The following ATRNL1 variants were observed in gnomAD, a reference collection of about 807,000 sequenced individuals.
ATRNL1 encodes the protein attractin-like protein 1.
Under a neutral mutation model 182.7 loss-of-function variants are expected in ATRNL1, and 95 were observed. The ratio of observed to expected loss-of-function variants is 0.52; its 90% CI spans 0.44 to 0.62. The LOEUF (loss-of-function observed/expected upper bound fraction) is 0.62, where lower values mean the gene tolerates loss of function less well. Among genes scored for constraint, ATRNL1 ranks in the 20% least tolerant of loss-of-function variants. The pLI, the probability that ATRNL1 is intolerant of heterozygous loss-of-function variation, is 0.00. For synonymous variants in ATRNL1, 576 were observed against 568.3 expected (o/e 1.01, Z -0.19); for missense variants, 1,471 against 1,679.5 (o/e 0.88, Z 2.17).
At chr10:115,387,427 T>A (rs1383930189) in intron 19 of ATRNL1, among the ~76,000 whole-genome samples, 1 of 152,224 alleles carries the variant, frequency 6.6e-6, no homozygotes, top group African/African-American at 2.4e-5. Context: ...TAGTTGCATG[T>A]TATTACTCTA....
At position 115,469,256 on chromosome 10, in the gene ATRNL1, T is replaced by C; in HGVS notation, c.3581T>C (p.Phe1194Ser). ...AGAGATAGTTTTTCCTATGAAAAAT[T>C]TAACTTTAGAAGCAATCCTAACATT... ...EYRDSFSYEK[F>S]NFRSNPNITF... Residue 1194 changes from phenylalanine (F) to serine (S), a missense_variant, in exon 24 of 29, where the codon TTT (phenylalanine) becomes TCT (serine). By Grantham distance (155) the Phe-to-Ser change is radical (BLOSUM62 -2). Transcript: ENST00000355044. 1 of 1,520,566 alleles carries C rather than the reference T, an allele frequency of 6.6e-7. No individual in the cohort carries two copies. The highest frequency in any genetic ancestry group is 8.8e-7 in the Non-Finnish European group (1 of 1,132,156). 94.2% of individuals were successfully genotyped at this position (1,520,566 alleles called of 1,614,324 possible).
intron 5 of ATRNL1, among the ~76,000 whole-genome samples, chr10:115,159,138 T>C (rs1327867291): frequency 6.6e-6 from 1 of 151,596 alleles, no homozygotes; most frequent in Non-Finnish European, 1.5e-5. Context: ...TCAGTAAATA[T>C]TAGTTTTATA....
intron 26 of ATRNL1, among the ~76,000 whole-genome samples, chr10:115,695,345 G>A (rs1555049463): frequency 1.3e-5 from 2 of 152,010 alleles, no homozygotes; most frequent in Non-Finnish European, 2.9e-5. Flanking sequence ...AAATACTACT[G>A]ATTATTTTTA....
intron 27 of ATRNL1, among the ~76,000 whole-genome samples, chr10:115,761,267 A>C (rs919701882): frequency 6.6e-6 from 1 of 152,226 alleles, no homozygotes; most frequent in Non-Finnish European, 1.5e-5. Context: ...AGAAGCCAAT[A>C]ATTACACTTT....
intron 8 of ATRNL1, among the ~76,000 whole-genome samples, chr10:115,213,789 A>C (rs1281091951): frequency 6.6e-6 from 1 of 152,156 alleles, no homozygotes; most frequent in Non-Finnish European, 1.5e-5. Context: ...ATAATGAGAT[A>C]GTTACTGAGA....
At chr10:115,626,849 A>C (rs1858136971) in intron 26 of ATRNL1, among the ~76,000 whole-genome samples, 1 of 152,172 alleles carries the variant, frequency 6.6e-6, no homozygotes, top group African/African-American at 2.4e-5. Flanking sequence ...CCATTTCCTA[A>C]TGCAGAAATC....
chr10:115,224,214 T>C (rs1849606867), intron 9 of ATRNL1, among the ~76,000 whole-genome samples: 1 of 151,506 alleles, frequency 6.6e-6, no homozygotes, highest in Admixed American at 6.6e-5. Context: ...GGATTACAGG[T>C]GTGAGCCACC....
At chr10:115,160,265 C>T in intron 6 of ATRNL1, 51 bp downstream of exon 6, 5 of 1,480,580 alleles carry the variant, frequency 3.4e-6, no homozygotes, top group South Asian at 1.3e-5. Flanking sequence ...GATTTTTATC[C>T]AAAATGTCTT....
chr10:115,443,698 G>A (rs1037813253), intron 21 of ATRNL1, among the ~76,000 whole-genome samples: 4 of 151,768 alleles, frequency 2.6e-5, no homozygotes, highest in Non-Finnish European at 4.4e-5. Flanking sequence ...TTATGGATAC[G>A]CATGTTTCTT....
intron 27 of ATRNL1, among the ~76,000 whole-genome samples, chr10:115,802,852 G>C (rs1311330999): frequency 6.6e-6 from 1 of 151,968 alleles, no homozygotes; most frequent in Non-Finnish European, 1.5e-5. Flanking sequence ...ATTATCCAGG[G>C]GCTCCTTACT....
Position 115,613,271 on chromosome 10 carries a change from A to G in ATRNL1, c.3795+63735A>G, listed in dbSNP as rs76697035. The stretch of plus-strand genomic sequence containing the variant: ...CTGATCTTTATCAAACGTTTTGCCT[A>G]TGTCTGTTGAGATTATCGTGTTGTT... On this transcript the variant is annotated intron_variant, in intron 26 of 28. Coordinates refer to ENST00000355044, the MANE Select transcript of ATRNL1 (RefSeq NM_207303.4). 4.5e-3 allele frequency among the ~76,000 whole-genome samples: 683 copies of G among 152,256 alleles called. 3 individuals carry two copies. Among genetic ancestry groups the G allele is most frequent in the African/African-American group, 0.016 (647 of 41,536 alleles).
intron 20 of ATRNL1, among the ~76,000 whole-genome samples, chr10:115,417,550 C>T (rs1373163071): frequency 6.6e-6 from 1 of 152,178 alleles, no homozygotes; most frequent in Non-Finnish European, 1.5e-5. Context: ...AGATGTGCAA[C>T]CATCTGAGGA....
chr10:115,519,474 A>G, intron 25 of ATRNL1, 150 bp downstream of exon 25: 1 of 664,616 alleles, frequency 1.5e-6, no homozygotes, highest in Non-Finnish European at 2.6e-6. Context: ...TATATCCCAC[A>G]GAGGAGAGGT....
chr10:115,596,770 G>A (rs1364782913), intron 26 of ATRNL1, among the ~76,000 whole-genome samples: 4 of 152,120 alleles, frequency 2.6e-5, no homozygotes, highest in African/African-American at 9.7e-5. Context: ...AAGGTAATAT[G>A]AGAGTATTAC....
intron 26 of ATRNL1, among the ~76,000 whole-genome samples, chr10:115,697,952 T>A (rs1946615970): frequency 1.3e-5 from 2 of 152,294 alleles, no homozygotes; most frequent in Admixed American, 6.5e-5. Flanking sequence ...GAACTCTAAA[T>A]TGTTCCACTT....
chr10:115,808,561 A>T (rs1341388925), intron 27 of ATRNL1, among the ~76,000 whole-genome samples: 1 of 152,106 alleles, frequency 6.6e-6, no homozygotes, highest in African/African-American at 2.4e-5. Flanking sequence ...GTACTGCTAG[A>T]TTGTATGGCT....
chr10:115,408,423 C>T (rs992260146), intron 20 of ATRNL1, among the ~76,000 whole-genome samples: 1 of 152,170 alleles, frequency 6.6e-6, no homozygotes, highest in African/African-American at 2.4e-5. Context: ...ACAATTAGAT[C>T]GTTTGTTTTC....
At chr10:115,744,828 G>T (rs1190313145) in intron 27 of ATRNL1, among the ~76,000 whole-genome samples, 1 of 152,084 alleles carries the variant, frequency 6.6e-6, no homozygotes, top group Non-Finnish European at 1.5e-5. Context: ...GGGCAATATA[G>T]TTATAACATC....
intron 27 of ATRNL1, among the ~76,000 whole-genome samples, chr10:115,780,340 T>G (rs1461103324): frequency 2.0e-5 from 3 of 152,156 alleles, no homozygotes; most frequent in Non-Finnish European, 4.4e-5. Flanking sequence ...CACCACAGGC[T>G]AAAGTGCTCT....
Sources: gnomAD v4.1 joint callset for allele counts (sites outside exome capture counted in the v4.1 genomes callset) on GRCh38, gnomAD v4.1.1 for gene constraint, MANE v1.5 for transcripts, NCBI Gene and HGNC (gene_info 2026-07-23, HGNC 2026-07-21) for gene names.